Variants in RNF220 observed in about 807,000 individuals in gnomAD.
RNF220 encodes E3 ubiquitin-protein ligase RNF220.
In RNF220, 7 loss-of-function variants were observed where a neutral mutation model predicts 67.1. The observed-to-expected ratio is 0.10, with a 90% CI of 0.06 to 0.20. The LOEUF (loss-of-function observed/expected upper bound fraction) is 0.20, where lower values mean the gene tolerates loss of function less well. Ranked by LOEUF, RNF220 falls within the 10% of genes least tolerant of loss-of-function variation. The pLI is 1.00. For synonymous variants in RNF220, 270 were observed against 283.2 expected, an observed-to-expected ratio of 0.95 and a Z score of 0.47; for missense variants, 565 against 740.3, an observed-to-expected ratio of 0.76 and a Z score of 2.75.
intron 2 of RNF220, among the ~76,000 whole-genome samples, chr1:44,530,466 T>C (rs2148188867): frequency 6.6e-6 from 1 of 150,698 alleles, no homozygotes; most frequent in East Asian, 1.9e-4. Flanking sequence ...CATTTTTACG[T>C]AGATGCGCAA....
rs544272398 is a variant in RNF220 at position 44,523,746 on chromosome 1, G to A, written c.626-90419G>A. On this transcript the variant is annotated intron_variant, in intron 2 of 14. Coordinates refer to ENST00000361799, the MANE Select transcript of RNF220 (RefSeq NM_018150.4). ...TGCTGAGGCAGCTCAGAGGGCTCCC[G>A]CCTCTGCTATCCCCCAGGGCCCAAG... Among the ~76,000 whole-genome samples the A allele has an allele frequency of 6.3e-4, 96 of 152,232 alleles. No homozygotes were observed. The South Asian group carries it at 0.018, about 29-fold the overall frequency.
rs1424800761 is a variant in RNF220, at chr1:44,417,838, C to T, written c.625+5116C>T. 6.6e-6 allele frequency among the ~76,000 whole-genome samples: 1 copy of T among 152,006 alleles called. No individual in the cohort carries two copies. The highest frequency in any genetic ancestry group is 1.5e-5 in the Non-Finnish European group (1 of 67,972). On this transcript the variant is annotated intron_variant, in intron 2 of 14. Transcript: ENST00000361799. This position sits in a 1 kb window ranked among gnomAD's most constrained non-coding sequence, Gnocchi z 4.0. ...CCCGTTCGCTTACTTGCAAGGGACC[C>T]CCAGCCTCCGCCACCGAGGCGGCTT...
At chr1:44,489,240 C>T (rs812454) in intron 2 of RNF220, among the ~76,000 whole-genome samples, 143,890 of 152,248 alleles carry the variant, frequency 0.95, 68,511 homozygotes, top group East Asian at 1. Flanking sequence ...AAAGTTGTAC[C>T]GAAGAGGTAG....
chr1:44,642,329 G>A (rs1644510460), intron 8 of RNF220, among the ~76,000 whole-genome samples: 1 of 152,222 alleles, frequency 6.6e-6, no homozygotes, highest in Non-Finnish European at 1.5e-5. Context: ...GAGCCAAACA[G>A]AGGATGAGCC....
intron 2 of RNF220, among the ~76,000 whole-genome samples, chr1:44,422,370 A>G (rs1649319599): frequency 6.6e-6 from 1 of 152,148 alleles, no homozygotes; most frequent in African/African-American, 2.4e-5. Flanking sequence ...AAAAGTCTGG[A>G]CGCATGGGCT....
intron 2 of RNF220, among the ~76,000 whole-genome samples, chr1:44,562,037 C>T (rs573006493): frequency 6.6e-6 from 1 of 152,244 alleles, no homozygotes; most frequent in African/African-American, 2.4e-5. Context: ...GAGTTAGACC[C>T]ATTCTAAAAG....
Position 44,545,151 on chromosome 1 carries a change from T to C in RNF220, c.626-69014T>C, listed in dbSNP as rs150511775. Among the ~76,000 whole-genome samples the C allele has an allele frequency of 2.2e-3, 332 of 152,336 alleles. 3 individuals are homozygous for C. Among genetic ancestry groups the C allele is most frequent in the African/African-American group, 7.5e-3 (313 of 41,586 alleles). ...GGCCATGGTCCATTGTGATCTTCTA[T>C]GCTCTTCCTGTTGGATTCAAATCAG... is the stretch of plus-strand genomic sequence containing the variant. On this transcript the variant is annotated intron_variant, in intron 2 of 14. Coordinates refer to ENST00000361799, the MANE Select transcript of RNF220 (RefSeq NM_018150.4).
chr1:44,438,041 A>G (rs953595853), intron 2 of RNF220, among the ~76,000 whole-genome samples: 1 of 152,190 alleles, frequency 6.6e-6, no homozygotes, highest in African/African-American at 2.4e-5. Flanking sequence ...TCTGCCCTCC[A>G]GCATTGCAAT....
intron 2 of RNF220, among the ~76,000 whole-genome samples, chr1:44,474,424 A>G (rs976840205): frequency 1.4e-5 from 2 of 142,680 alleles, no homozygotes; most frequent in African/African-American, 2.6e-5. Flanking sequence ...TAATAATAAT[A>G]GGCTGGGAGT....
intron 3 of RNF220, among the ~76,000 whole-genome samples, chr1:44,615,390 T>C (rs1294183711): frequency 6.6e-6 from 1 of 152,022 alleles, no homozygotes; most frequent in African/African-American, 2.4e-5. Context: ...CAAGGTCAAA[T>C]TGTAGAAACG....
At chr1:44,544,363 C>T (rs1220414616) in intron 2 of RNF220, among the ~76,000 whole-genome samples, 1 of 152,104 alleles carries the variant, frequency 6.6e-6, no homozygotes, top group African/African-American at 2.4e-5. Context: ...TGTTCTTGGC[C>T]CTGTGATCTT....
rs761623025 is a variant in RNF220, at chr1:44,650,760, G to A, written c.1686G>A (p.Arg562=). Residue 562 remains arginine (R), a synonymous_variant, in exon 15 of 15, where the codon CGG becomes CGA. Coordinates refer to ENST00000361799, the MANE Select transcript of RNF220 (RefSeq NM_018150.4). This position sits in a 1 kb window ranked among gnomAD's most constrained non-coding sequence, Gnocchi z 4.3. The part of the protein sequence containing the change: ...CNTITAPGDL[R]RIYL ...CGATCACAGCGCCCGGAGACCTGCG[G>A]AGGATCTACTTGTGAGCTATCTGCC... 286 of 1,613,694 alleles carry A rather than the reference G, an allele frequency of 1.8e-4. No individual in the cohort carries two copies. The highest frequency in any genetic ancestry group is 2.3e-4 in the Non-Finnish European group (266 of 1,179,970).
At position 44,412,063 on chromosome 1, in the gene RNF220, T is replaced by G; in HGVS notation, c.-35T>G. The G allele has an allele frequency of 1.9e-6, 3 of 1,580,522 alleles. No individual in the cohort carries two copies. The highest frequency in any genetic ancestry group is 2.2e-5 in the East Asian group (1 of 44,560). Reference sequence around the variant, plus strand: ...TGGCCTCCCTCCCAGGGAAGACTGCTTCTTGCGTAACGCCGGCCACAGAAA... The same window carrying G: ...TGGCCTCCCTCCCAGGGAAGACTGCGTCTTGCGTAACGCCGGCCACAGAAA... On this transcript the variant is annotated 5_prime_UTR_variant, in exon 2 of 15. Transcript: ENST00000361799. This position sits in a 1 kb window ranked among gnomAD's most constrained non-coding sequence, Gnocchi z 5.3.
At chr1:44,529,232 A>G (rs1217358686) in intron 2 of RNF220, among the ~76,000 whole-genome samples, 2 of 152,196 alleles carry the variant, frequency 1.3e-5, no homozygotes, top group Non-Finnish European at 2.9e-5. Context: ...AAGTTATAGT[A>G]TAATCATATG....
intron 8 of RNF220, among the ~76,000 whole-genome samples, chr1:44,642,978 C>A (rs1573178171): frequency 6.6e-6 from 1 of 152,340 alleles, no homozygotes; most frequent in African/African-American, 2.4e-5. Flanking sequence ...CACTCACCCA[C>A]AAGGCGGGAA....
intron 2 of RNF220, among the ~76,000 whole-genome samples, chr1:44,426,307 A>G (rs1328898530): frequency 3.3e-5 from 5 of 152,222 alleles, no homozygotes; most frequent in Admixed American, 1.3e-4. Context: ...AAGAATAGCC[A>G]TGCTTTATTG....
intron 2 of RNF220, among the ~76,000 whole-genome samples, chr1:44,527,152 C>A (rs1660441699): frequency 6.6e-6 from 1 of 152,052 alleles, no homozygotes; most frequent in Non-Finnish European, 1.5e-5. Flanking sequence ...GAGCTTCATG[C>A]CCATATTCCA....
At chr1:44,616,659 C>T (rs1643561352) in intron 3 of RNF220, among the ~76,000 whole-genome samples, 2 of 151,988 alleles carry the variant, frequency 1.3e-5, no homozygotes, top group South Asian at 4.2e-4. Flanking sequence ...AAAAATCCTT[C>T]TGCAGCTGGG....
intron 2 of RNF220, among the ~76,000 whole-genome samples, chr1:44,421,001 A>G (rs553568059): frequency 6.3e-4 from 96 of 152,340 alleles, no homozygotes; most frequent in African/African-American, 2.3e-3. Flanking sequence ...CCTTATGGCA[A>G]TGTGGAAAGA....
Sources: gnomAD v4.1 joint callset for allele counts (sites outside exome capture counted in the v4.1 genomes callset) on GRCh38, gnomAD v4.1.1 for gene constraint, Gnocchi (gnomAD v3.1) non-coding constraint, MANE v1.5 for transcripts, NCBI Gene and HGNC (gene_info 2026-07-23, HGNC 2026-07-21) for gene names.